Variants in ATRNL1 observed in about 807,000 individuals in gnomAD.
ATRNL1 encodes the protein attractin like 1, also known as attractin-like protein 1.
A neutral mutation model predicts 182.7 loss-of-function variants in ATRNL1; 95 were observed. The ratio of observed to expected loss-of-function variants is 0.52; its 90% CI spans 0.44 to 0.62. ATRNL1 has a LOEUF of 0.62. Among genes scored for constraint, ATRNL1 ranks in the 20% least tolerant of loss-of-function variants. The pLI is 0.00. For synonymous variants in ATRNL1, 576 were observed against 568.3 expected (o/e 1.01, Z -0.19); for missense variants, 1,471 against 1,679.5 (o/e 0.88, Z 2.17).
intron 8 of ATRNL1, among the ~76,000 whole-genome samples, chr10:115,192,118 A>AGTTTGGTTTTTTTTT (rs1848193165): frequency 6.6e-6 from 1 of 151,598 alleles, no homozygotes; most frequent in African/African-American, 2.4e-5. Flanking sequence ...GCCTTTGCCC[A>AGTTTGGTTTTTTTTT]TTTTTTGCTT....
At chr10:115,126,250 G>T (rs1381862196) in intron 3 of ATRNL1, among the ~76,000 whole-genome samples, 1 of 152,070 alleles carries the variant, frequency 6.6e-6, no homozygotes, top group Non-Finnish European at 1.5e-5. Flanking sequence ...AGTAGAAATG[G>T]GGTTTCACTG....
intron 10 of ATRNL1, among the ~76,000 whole-genome samples, chr10:115,259,328 G>A (rs576508413): frequency 4.9e-4 from 75 of 152,252 alleles, no homozygotes; most frequent in African/African-American, 1.7e-3. Flanking sequence ...CAGCAATGGC[G>A]GATGCACCCC....
At chr10:115,401,895 T>G (rs1844581454) in intron 20 of ATRNL1, among the ~76,000 whole-genome samples, 2 of 152,150 alleles carry the variant, frequency 1.3e-5, no homozygotes, top group African/African-American at 4.8e-5. Flanking sequence ...AACAAATGCA[T>G]AGGACAGGAA....
At position 115,709,898 on chromosome 10, in the gene ATRNL1, T is replaced by G. The variant is rs1379923235; in HGVS notation, c.3796-17350T>G. 2.0e-5 allele frequency among the ~76,000 whole-genome samples: 3 copies of G among 152,062 alleles called. No individual in the cohort carries two copies. The East Asian group carries it at 5.8e-4, about 29-fold the overall frequency. ...ACTTACTTGACAACTGATTGAACAC[T>G]TGTAATTCTGAGTTGTTCTGTGATT... is the stretch of plus-strand genomic sequence containing the variant. On this transcript the variant is annotated intron_variant, in intron 26 of 28. Coordinates refer to ENST00000355044, the MANE Select transcript of ATRNL1 (RefSeq NM_207303.4).
intron 26 of ATRNL1, among the ~76,000 whole-genome samples, chr10:115,579,302 A>G (rs1049888585): frequency 6.6e-6 from 1 of 151,730 alleles, no homozygotes. Flanking sequence ...AAAGTTCTCT[A>G]TCATTATTGC....
intron 27 of ATRNL1, among the ~76,000 whole-genome samples, chr10:115,787,678 TA>T (rs113984892): frequency 3.3e-5 from 5 of 151,382 alleles, no homozygotes; most frequent in South Asian, 2.1e-4. Context: ...TGTTGTTGGC[TA>T]AAAAAAAATC....
chr10:115,615,493 G>T (rs1424257970), intron 26 of ATRNL1, among the ~76,000 whole-genome samples: 1 of 152,060 alleles, frequency 6.6e-6, no homozygotes, highest in Non-Finnish European at 1.5e-5. Context: ...TCTGCTGTTA[G>T]TCTGATAGAG....
chr10:115,938,373 A>G (rs1269536971), intron 28 of ATRNL1, among the ~76,000 whole-genome samples: 1 of 152,196 alleles, frequency 6.6e-6, no homozygotes, highest in Non-Finnish European at 1.5e-5. Flanking sequence ...TTACCATTTA[A>G]TTATTTAGCT....
At chr10:115,354,115 A>C (rs1169168030) in intron 19 of ATRNL1, among the ~76,000 whole-genome samples, 2 of 152,174 alleles carry the variant, frequency 1.3e-5, no homozygotes, top group African/African-American at 4.8e-5. Flanking sequence ...ACAAATCAGT[A>C]AACTTTCTTA....
rs142342504 is a variant in ATRNL1 at position 115,753,112 on chromosome 10, C to T, written c.3903+25757C>T. ...GATGTTGTGAACATGAAATGGGATG[C>T]ACATATGGAAGATTTGATGTTATTA... On this transcript the variant is annotated intron_variant, in intron 27 of 28. Transcript: ENST00000355044. Among the ~76,000 whole-genome samples the T allele has an allele frequency of 1.3e-3, 202 of 152,008 alleles. 1 individual carries two copies. Among genetic ancestry groups the T allele is most frequent in the African/African-American group, 4.7e-3 (193 of 41,452 alleles).
chr10:115,219,721 G>A (rs1849372250), intron 9 of ATRNL1, among the ~76,000 whole-genome samples: 1 of 152,066 alleles, frequency 6.6e-6, no homozygotes, highest in Non-Finnish European at 1.5e-5. Context: ...TGGCTAACAT[G>A]GTGAAACCCC....
At chr10:115,815,603 G>A (rs1950146520) in intron 27 of ATRNL1, among the ~76,000 whole-genome samples, 1 of 152,004 alleles carries the variant, frequency 6.6e-6, no homozygotes, top group Non-Finnish European at 1.5e-5. Context: ...CAATGTTAGT[G>A]GACTGTCTTC....
At chr10:115,572,556 C>G (rs1854461136) in intron 26 of ATRNL1, among the ~76,000 whole-genome samples, 3 of 152,032 alleles carry the variant, frequency 2.0e-5, no homozygotes, top group African/African-American at 7.2e-5. Context: ...GGAAGTTAGA[C>G]AGCAGTCAAG....
At position 115,550,937 on chromosome 10, in the gene ATRNL1, C is replaced by A. The variant is rs1554995413; in HGVS notation, c.3795+1401C>A. Among the ~76,000 whole-genome samples, 6 of 151,694 alleles carry A rather than the reference C, an allele frequency of 4.0e-5. 1 individual carries two copies. In the South Asian group the frequency reaches 8.3e-4, roughly 21 times the overall value. On this transcript the variant is annotated intron_variant, in intron 26 of 28. Transcript: ENST00000355044. Reference sequence around the variant, plus strand: ...ATCCTGAGGAGCACTATTTAAATATCTGATCTCTAAAATTTATAAAATGCA... The same window carrying A: ...ATCCTGAGGAGCACTATTTAAATATATGATCTCTAAAATTTATAAAATGCA...
At chr10:115,363,545 G>A (rs548787461) in intron 19 of ATRNL1, among the ~76,000 whole-genome samples, 3 of 147,440 alleles carry the variant, frequency 2.0e-5, no homozygotes, top group African/African-American at 7.4e-5. Flanking sequence ...TGTCAATTTT[G>A]TCTTTTGTTG....
chr10:115,493,890 C>T (rs1165867428), intron 24 of ATRNL1, among the ~76,000 whole-genome samples: 1 of 152,026 alleles, frequency 6.6e-6, no homozygotes, highest in Non-Finnish European at 1.5e-5. Context: ...TTTTCTTATG[C>T]TTCTTGGCCA....
chr10:115,579,420 CTT>C (rs1854933836), intron 26 of ATRNL1, among the ~76,000 whole-genome samples: 1 of 151,764 alleles, frequency 6.6e-6, no homozygotes, highest in African/African-American at 2.4e-5. Context: ...AGAATAATCT[CTT>C]TCTCATTATG....
chr10:115,492,153 G>A (rs143328304), intron 24 of ATRNL1, among the ~76,000 whole-genome samples: 1 of 152,086 alleles, frequency 6.6e-6, no homozygotes, highest in Non-Finnish European at 1.5e-5. Flanking sequence ...TGTCAATCTC[G>A]CTGGGAGCTG....
At chr10:115,255,324 G>A (rs1471610724) in intron 10 of ATRNL1, among the ~76,000 whole-genome samples, 1 of 152,088 alleles carries the variant, frequency 6.6e-6, no homozygotes, top group Non-Finnish European at 1.5e-5. Flanking sequence ...GCTGTGGTTT[G>A]TAGTTCTCCT....
Sources: gnomAD v4.1 joint callset for allele counts (sites outside exome capture counted in the v4.1 genomes callset) on GRCh38, gnomAD v4.1.1 for gene constraint, MANE v1.5 for transcripts, NCBI Gene and HGNC (gene_info 2026-07-23, HGNC 2026-07-21) for gene names.